The following XIRP2 variants were observed in gnomAD, a reference collection of about 807,000 sequenced individuals.
XIRP2 encodes xin actin binding repeat containing 2.
Under a neutral mutation model 277.0 loss-of-function variants are expected in XIRP2, and 236 were observed. The observed-to-expected ratio is 0.85, with a 90% CI of 0.77 to 0.95. The LOEUF (loss-of-function observed/expected upper bound fraction) is 0.95. XIRP2 is among the 40% of genes least tolerant of loss of function. XIRP2 has a pLI of 0.00. For missense variants in XIRP2, 4,640 were observed against 4,157.5 expected (o/e 1.12, Z -3.19); for synonymous variants, 1,490 against 1,416.5 (o/e 1.05, Z -1.17).
At chr2:167,218,334 A>G (rs1288909620) in intron 5 of XIRP2, 34 bp downstream of exon 5, 10 of 1,381,136 alleles carry the variant, frequency 7.2e-6, no homozygotes, top group Non-Finnish European at 8.5e-6. Flanking sequence ...TAAATCAGGC[A>G]TGGTTGAAAT....
At chr2:167,106,906 TTTG>T (rs1690632876) in intron 2 of XIRP2, among the ~76,000 whole-genome samples, 1 of 151,370 alleles carries the variant, frequency 6.6e-6, no homozygotes, top group African/African-American at 2.4e-5. Context: ...TTACGTGTAT[TTTG>T]TTTTTAAAAT....
At chr2:167,201,196 A>G (rs200182532) in intron 3 of XIRP2, among the ~76,000 whole-genome samples, 6 of 14,218 alleles carry the variant, frequency 4.2e-4, no homozygotes, top group African/African-American at 6.5e-4. Context: ...GAGAGAAAGA[A>G]AGAAAGAAAG....
At chr2:167,086,663 A>C (rs1689954330) in intron 2 of XIRP2, among the ~76,000 whole-genome samples, 1 of 151,330 alleles carries the variant, frequency 6.6e-6, no homozygotes, top group Non-Finnish European at 1.5e-5. Flanking sequence ...TTTTTCTCTA[A>C]ACTTCCCTTC....
chr2:167,051,581 A>G (rs967234712), intron 2 of XIRP2, among the ~76,000 whole-genome samples: 7 of 152,080 alleles, frequency 4.6e-5, no homozygotes, highest in East Asian at 1.9e-4. Context: ...CTTTCACTCA[A>G]TGTTTTTGAA....
chr2:167,231,866 TA>T (rs1694768750), intron 5 of XIRP2, among the ~76,000 whole-genome samples: 2 of 152,002 alleles, frequency 1.3e-5, no homozygotes, highest in Admixed American at 1.3e-4. Context: ...CAGTACACAC[TA>T]TTGATAGCAT....
chr2:167,088,665 T>C (rs1210428270), intron 2 of XIRP2, among the ~76,000 whole-genome samples: 1 of 152,172 alleles, frequency 6.6e-6, no homozygotes, highest in African/African-American at 2.4e-5. Context: ...CCATTCCTTG[T>C]CCGTTGTGCC....
intron 3 of XIRP2, among the ~76,000 whole-genome samples, chr2:167,157,129 G>A (rs1380762594): frequency 2.0e-5 from 3 of 151,654 alleles, no homozygotes; most frequent in Non-Finnish European, 4.4e-5. Context: ...TAAAATCATG[G>A]GAACAGGCAT....
Position 167,243,775 on chromosome 2 carries a change from A to T in XIRP2, c.2383A>T (p.Ile795Leu), listed in dbSNP as rs748892724. 3.7e-6 allele frequency: 6 copies of T among 1,614,008 alleles called. No homozygotes were observed. Among genetic ancestry groups the T allele is most frequent in the Non-Finnish European group, 4.2e-6 (5 of 1,179,936 alleles). The change falls in exon 9 of 11, where the codon ATA (isoleucine) becomes TTA (leucine). Residue 795 changes from isoleucine (I) to leucine (L), a missense_variant. Physicochemically the swap from Ile to Leu is conservative, Grantham distance 5. Coordinates refer to ENST00000409195, the MANE Select transcript of XIRP2 (RefSeq NM_152381.6). ...DITEIKVVRGISMEENVKGGV... is the reference protein window; with the variant it reads ...DITEIKVVRGLSMEENVKGGV... ...CACAGAAATTAAAGTTGTCCGAGGA[A>T]TATCCATGGAAGAAAATGTCAAAGG...
chr2:166,997,520 T>C (rs1288278809), intron 2 of XIRP2, among the ~76,000 whole-genome samples: 2 of 152,170 alleles, frequency 1.3e-5, no homozygotes, highest in Non-Finnish European at 2.9e-5. Context: ...CCTCAATGAA[T>C]GTAAATTACA....
At position 166,932,316 on chromosome 2, in the gene XIRP2, A is replaced by G. The variant is rs145081606; in HGVS notation, c.408+28426A>G. ...ACTGCAGTCTTAACTTCCAGGGCTC[A>G]AGCAGTCCTCCCTCCTCAGTCCCCC... On this transcript the variant is annotated intron_variant, in intron 2 of 10. Transcript: ENST00000409195. Among the ~76,000 whole-genome samples the G allele has an allele frequency of 2.2e-3, 327 of 151,904 alleles. 2 individuals carry two copies. Among genetic ancestry groups the G allele is most frequent in the African/African-American group, 7.0e-3 (292 of 41,432 alleles).
At chr2:167,053,154 A>G (rs1277562188) in intron 2 of XIRP2, among the ~76,000 whole-genome samples, 2 of 152,200 alleles carry the variant, frequency 1.3e-5, no homozygotes, top group African/African-American at 4.8e-5. Flanking sequence ...GTTAATGCCC[A>G]TATAATTATC....
At chr2:167,153,961 C>T (rs1302712122) in intron 3 of XIRP2, among the ~76,000 whole-genome samples, 31 of 151,384 alleles carry the variant, frequency 2.0e-4, no homozygotes, top group African/African-American at 6.8e-4. Flanking sequence ...ATTTCTAATT[C>T]TAGATCCCTG....
intron 2 of XIRP2, among the ~76,000 whole-genome samples, chr2:166,944,962 G>A (rs1045753178): frequency 6.6e-6 from 1 of 152,156 alleles, no homozygotes; most frequent in Non-Finnish European, 1.5e-5. Flanking sequence ...CCTGTGGGAA[G>A]TACAACCAAA....
intron 2 of XIRP2, among the ~76,000 whole-genome samples, chr2:167,007,841 A>G (rs1687548838): frequency 6.6e-6 from 1 of 151,588 alleles, no homozygotes; most frequent in South Asian, 2.1e-4. Context: ...AAGTGTGTAC[A>G]TTTTTAAAAT....
At chr2:167,022,225 A>G (rs1688003662) in intron 2 of XIRP2, among the ~76,000 whole-genome samples, 1 of 152,088 alleles carries the variant, frequency 6.6e-6, no homozygotes, top group African/African-American at 2.4e-5. Context: ...AATATTTTGG[A>G]TTCCTAAGAC....
intron 2 of XIRP2, among the ~76,000 whole-genome samples, chr2:167,118,825 G>A (rs1330863400): frequency 6.6e-6 from 1 of 152,182 alleles, no homozygotes; most frequent in Non-Finnish European, 1.5e-5. Context: ...TGGAAGTCAT[G>A]AAGGTGAAAT....
At position 167,258,861 on chromosome 2, in the gene XIRP2, C is replaced by G. The variant is rs779002530; in HGVS notation, c.*1044C>G. ...ATATTTGAATCTGAAAAGACTTATT[C>G]GAGGAATGTACTAGCAATGGCTCTG... On this transcript the variant is annotated 3_prime_UTR_variant, in exon 11 of 11. Transcript: ENST00000409195. 1.2e-6 allele frequency: 2 copies of G among 1,612,940 alleles called. No homozygotes were observed. Among genetic ancestry groups the G allele is most frequent in the Non-Finnish European group, 1.7e-6 (2 of 1,179,600 alleles).
chr2:167,248,943 T>A lies in XIRP2; in HGVS notation c.7551T>A (p.Pro2517=), dbSNP rs1362695531. 2 of 1,613,768 alleles carry A rather than the reference T, an allele frequency of 1.2e-6. No homozygotes were observed. Among genetic ancestry groups the A allele is most frequent in the Non-Finnish European group, 1.7e-6 (2 of 1,179,808 alleles). The part of the protein sequence containing the change: ...TSAPRKKQIA[P]LIKSHSFPES... ...CACCCAGGAAAAAACAGATTGCGCC[T>A]CTTATAAAATCTCATTCATTTCCAG... Residue 2517 remains proline, a synonymous_variant, in exon 9 of 11, where the codon CCT becomes CCA. Transcript: ENST00000409195.
At chr2:167,087,528 C>G (rs1453936572) in intron 2 of XIRP2, among the ~76,000 whole-genome samples, 1 of 152,188 alleles carries the variant, frequency 6.6e-6, no homozygotes. Flanking sequence ...ATGGCGGGTG[C>G]CCCTCACCCT....
Sources: gnomAD v4.1 joint callset for allele counts (sites outside exome capture counted in the v4.1 genomes callset) on GRCh38, gnomAD v4.1.1 for gene constraint, MANE v1.5 for transcripts, NCBI Gene and HGNC (gene_info 2026-07-23, HGNC 2026-07-21) for gene names.